ASB7: variants seen among roughly 807,000 people sequenced by gnomAD.
ASB7 encodes the protein ankyrin repeat and SOCS box containing 7, also known as ankyrin repeat and SOCS box protein 7.
ASB7 carries 4 observed loss-of-function variants against 32.5 expected under a neutral mutation model. The observed-to-expected ratio is 0.12, with a 90% CI of 0.06 to 0.28. ASB7 has a LOEUF of 0.28. Ranked by LOEUF, ASB7 falls within the 10% of genes least tolerant of loss-of-function variation. ASB7 has a pLI of 1.00. For missense variants in ASB7, 181 were observed against 407.1 expected (o/e 0.44, Z 4.78); for synonymous variants, 172 against 155.6 (o/e 1.11, Z -0.78).
At chr15:100,634,804 AAAAG>A (rs377136418) in intron 5 of ASB7, among the ~76,000 whole-genome samples, 122 of 152,072 alleles carry the variant, frequency 8.0e-4, no homozygotes, top group Non-Finnish European at 1.5e-3. Flanking sequence ...ACTCCATCTC[AAAAG>A]AAAGAAAGAA....
chr15:100,632,861 A>AT (rs113954724), intron 5 of ASB7, among the ~76,000 whole-genome samples: 1 of 147,894 alleles, frequency 6.8e-6, no homozygotes. Flanking sequence ...TAGTGCAAAA[A>AT]AAAAAAAAAA....
intron 3 of ASB7, among the ~76,000 whole-genome samples, chr15:100,611,072 T>C (rs554790489): frequency 9.9e-5 from 15 of 152,276 alleles, no homozygotes; most frequent in African/African-American, 3.4e-4. Context: ...TGAGACAGGG[T>C]CTTGCTCTGT....
At chr15:100,634,804 A>AAAAG (rs377136418) in intron 5 of ASB7, among the ~76,000 whole-genome samples, 58 of 152,198 alleles carry the variant, frequency 3.8e-4, no homozygotes, top group Non-Finnish European at 6.9e-4. Flanking sequence ...ACTCCATCTC[A>AAAAG]AAAGAAAGAA....
intron 5 of ASB7, among the ~76,000 whole-genome samples, chr15:100,643,478 T>C (rs1346531206): frequency 9.7e-6 from 1 of 103,292 alleles, no homozygotes; most frequent in Non-Finnish European, 2.0e-5. Flanking sequence ...TCCCTTCTTC[T>C]TTTTTTTTTT....
At chr15:100,621,335 A>G (rs2039790295) in intron 4 of ASB7, among the ~76,000 whole-genome samples, 1 of 152,240 alleles carries the variant, frequency 6.6e-6, no homozygotes, top group South Asian at 2.1e-4. Flanking sequence ...GTAGTTTTAA[A>G]AAAAGCCTAC....
chr15:100,642,569 C>T (rs2039968628), intron 5 of ASB7, among the ~76,000 whole-genome samples: 1 of 150,398 alleles, frequency 6.6e-6, no homozygotes, highest in Non-Finnish European at 1.5e-5. Context: ...CCAAGCCCTC[C>T]CACTGCCTGG....
chr15:100,629,753 C>T lies in ASB7; in HGVS notation c.528C>T (p.Ile176=), dbSNP rs774743185. ...VKILLDHNAN[I]DIQNGFLLRY... Reference sequence around the variant, plus strand: ...TCCTCCTGGACCACAATGCCAACATCGACATTCAGAATGGTTTCCTGTTGC... The same window carrying T: ...TCCTCCTGGACCACAATGCCAACATTGACATTCAGAATGGTTTCCTGTTGC... The change falls in exon 5 of 6, where the codon ATC becomes ATT. Residue 176 remains isoleucine, a synonymous_variant. Coordinates refer to ENST00000332783, the MANE Select transcript of ASB7 (RefSeq NM_198243.3). The surrounding 1 kb of genome is among the most constrained non-coding windows in gnomAD (Gnocchi z 6.8). 4.3e-6 allele frequency: 7 copies of T among 1,614,190 alleles called. No homozygotes were observed. The highest frequency in any genetic ancestry group is 1.6e-4 in the Middle Eastern group (1 of 6,062).
At position 100,637,769 on chromosome 15, in the gene ASB7, C is replaced by T. The variant is rs191429140; in HGVS notation, c.817+7727C>T. Among the ~76,000 whole-genome samples, 41 of 152,288 alleles carry T rather than the reference C, an allele frequency of 2.7e-4. 2 individuals are homozygous for T. The highest frequency in any genetic ancestry group is 8.3e-4 in the South Asian group (4 of 4,832). On this transcript the variant is annotated intron_variant, in intron 5 of 5. Coordinates refer to ENST00000332783, the MANE Select transcript of ASB7 (RefSeq NM_198243.3). The stretch of plus-strand genomic sequence containing the variant: ...TAAAAATTCCTTCCTTTTCCAACTG[C>T]GTATCTGAGTGAGGCTGGATTTTCT...
chr15:100,603,005 G>A lies in ASB7; in HGVS notation c.-314G>A. On this transcript the variant is annotated 5_prime_UTR_variant, in exon 1 of 6. Transcript: ENST00000332783. ...CAATGGAGAAGTTGGTGAGTGTAGA[G>A]GAGGCTGAAAGGAGGAAGAGAAGCA... 5.0e-6 allele frequency: 2 copies of A among 399,414 alleles called. No individual in the cohort carries two copies. The highest frequency in any genetic ancestry group is 7.1e-5 in the East Asian group (2 of 28,094). The allele number at this position is 399,414 out of a possible 1,614,324, so 24.7% of individuals were successfully genotyped here. A position where few individuals can be genotyped will look rare whatever the true frequency, so the allele number is the denominator to read the frequency against.
chr15:100,610,786 C>A (rs148993327), intron 3 of ASB7, among the ~76,000 whole-genome samples: 1 of 152,138 alleles, frequency 6.6e-6, no homozygotes, highest in Non-Finnish European at 1.5e-5. Flanking sequence ...CATATGAGAA[C>A]AGAAATGTCT....
intron 5 of ASB7, among the ~76,000 whole-genome samples, chr15:100,641,408 A>G (rs765101793): frequency 6.6e-6 from 1 of 152,216 alleles, no homozygotes; most frequent in Non-Finnish European, 1.5e-5. Context: ...AGTACTTACC[A>G]TAAGCAGTCC....
chr15:100,618,744 A>G (rs550543661), intron 4 of ASB7, among the ~76,000 whole-genome samples: 7 of 152,238 alleles, frequency 4.6e-5, no homozygotes, highest in Admixed American at 2.6e-4. Flanking sequence ...TTTATTGAGC[A>G]CCTAATAGAT....
At chr15:100,630,268 G>A (rs1398105490) in intron 5 of ASB7, 3 of 1,090,732 alleles carry the variant, frequency 2.8e-6, no homozygotes, top group Non-Finnish European at 3.6e-6. Context: ...TAGACAGTAA[G>A]AGTGAGGGAA....
At chr15:100,646,597 A>G (rs375278440) in intron 5 of ASB7, 4 of 351,714 alleles carry the variant, frequency 1.1e-5, no homozygotes, top group Non-Finnish European at 2.3e-5. Flanking sequence ...TGAGAAGGCA[A>G]CATCATTGAT....
chr15:100,607,456 T>C (rs558926569), intron 2 of ASB7, among the ~76,000 whole-genome samples: 69 of 152,344 alleles, frequency 4.5e-4, no homozygotes, highest in African/African-American at 1.6e-3. Context: ...GGGGGTCTTT[T>C]GTAATAAATT....
At chr15:100,609,400 A>G (rs143732554) in intron 2 of ASB7, 40 of 152,370 alleles carry the variant, frequency 2.6e-4, no homozygotes, top group African/African-American at 7.0e-4. Context: ...TGTATTCTCA[A>G]TAGAGGAAAA....
Position 100,650,212 on chromosome 15 carries a change from C to G in ASB7, c.*1750C>G, listed in dbSNP as rs1162107166. 1.3e-5 allele frequency: 2 copies of G among 152,278 alleles called. No individual in the cohort carries two copies. The highest frequency in any genetic ancestry group is 2.9e-5 in the Non-Finnish European group (2 of 68,086). 9.4% of individuals were successfully genotyped at this position (152,278 alleles called of 1,614,324 possible). Reference sequence around the variant, plus strand: ...GTGTGGCCAGTTCTATAACCATCCCCAAACTAGCTGGAGCCTGATGGATAG... The same window carrying G: ...GTGTGGCCAGTTCTATAACCATCCCGAAACTAGCTGGAGCCTGATGGATAG... On this transcript the variant is annotated 3_prime_UTR_variant, in exon 6 of 6. Coordinates refer to ENST00000332783, the MANE Select transcript of ASB7 (RefSeq NM_198243.3).
At chr15:100,617,267 C>G (rs966715481) in intron 4 of ASB7, among the ~76,000 whole-genome samples, 5 of 152,168 alleles carry the variant, frequency 3.3e-5, no homozygotes, top group African/African-American at 1.2e-4. Context: ...AAAAATATTT[C>G]CTTTTAAAAA....
At chr15:100,641,496 C>T (rs1475182323) in intron 5 of ASB7, among the ~76,000 whole-genome samples, 7 of 152,178 alleles carry the variant, frequency 4.6e-5, no homozygotes, top group South Asian at 2.1e-4. Flanking sequence ...CCTGTACACT[C>T]GTGGAGAAAC....
Sources: allele counts gnomAD v4.1 joint callset (sites outside exome capture counted in the v4.1 genomes callset), GRCh38; gene constraint gnomAD v4.1.1; non-coding constraint Gnocchi (gnomAD v3.1); transcripts MANE v1.5; gene names NCBI Gene and HGNC (gene_info 2026-07-23, HGNC 2026-07-21).